ZC3H14: variants seen among roughly 807,000 people sequenced by gnomAD.
The protein encoded by ZC3H14 is zinc finger CCCH domain-containing protein 14.
A neutral mutation model predicts 92.4 loss-of-function variants in ZC3H14; 31 were observed. The observed-to-expected ratio is 0.34, with a 90% confidence interval of 0.25 to 0.45. The LOEUF (loss-of-function observed/expected upper bound fraction) is 0.45. Among genes scored for constraint, ZC3H14 ranks in the 20% least tolerant of loss-of-function variants. ZC3H14 has a pLI of 1.00. For missense variants in ZC3H14, 781 were observed against 897.3 expected (o/e 0.87, Z 1.66); for synonymous variants, 321 against 300.9 (o/e 1.07, Z -0.69).
intron 16 of ZC3H14, 127 bp from the exon 17 acceptor site, chr14:88,611,618 C>A: frequency 9.8e-7 from 1 of 1,019,146 alleles, no homozygotes; most frequent in Non-Finnish European, 1.4e-6. Flanking sequence ...AAAAATCTGC[C>A]ATTTATATTG....
intron 8 of ZC3H14, among the ~76,000 whole-genome samples, chr14:88,577,225 C>G (rs767480472): frequency 6.6e-6 from 1 of 152,172 alleles, no homozygotes; most frequent in Non-Finnish European, 1.5e-5. Flanking sequence ...CACTCTTGAC[C>G]TAATGATATA....
At chr14:88,601,362 T>A (rs2084627033) in intron 10 of ZC3H14, among the ~76,000 whole-genome samples, 1 of 152,238 alleles carries the variant, frequency 6.6e-6, no homozygotes, top group Admixed American at 6.5e-5. Context: ...CTTATGGTTA[T>A]TTGCATTAAA....
chr14:88,621,478 T>C lies in ZC3H14; in HGVS notation c.*9727T>C. ...TTCTATGACTACAGGCACACATCTATCTGTAAGCACAATGGGCTAGATTAC... is the reference window on the plus strand; with the variant it reads ...TTCTATGACTACAGGCACACATCTACCTGTAAGCACAATGGGCTAGATTAC... On this transcript the variant is annotated 3_prime_UTR_variant, in exon 17 of 17. Coordinates refer to ENST00000251038, the MANE Select transcript of ZC3H14 (RefSeq NM_024824.5). 1.6e-6 allele frequency: 1 copy of C among 641,568 alleles called. No homozygotes were observed. The highest frequency in any genetic ancestry group is 2.7e-6 in the Non-Finnish European group (1 of 367,120). 39.7% of individuals were successfully genotyped at this position (641,568 alleles called of 1,614,324 possible). A position where few individuals can be genotyped will look rare whatever the true frequency, so the allele number is the denominator to read the frequency against.
At chr14:88,585,069 G>T (rs2082316703) in intron 9 of ZC3H14, among the ~76,000 whole-genome samples, 1 of 152,090 alleles carries the variant, frequency 6.6e-6, no homozygotes, top group Non-Finnish European at 1.5e-5. Flanking sequence ...TGTTGTTGGG[G>T]GATTGGTTCC....
intron 12 of ZC3H14, among the ~76,000 whole-genome samples, chr14:88,604,567 T>C (rs1323156678): frequency 6.6e-6 from 1 of 151,728 alleles, no homozygotes; most frequent in Non-Finnish European, 1.5e-5. Flanking sequence ...CACTGTCATA[T>C]GGCAGCACAG....
At position 88,611,795 on chromosome 14, in the gene ZC3H14, T is replaced by C; in HGVS notation, c.*44T>C. 6.2e-7 allele frequency: 1 copy of C among 1,613,694 alleles called. No individual in the cohort carries two copies. The highest frequency in any genetic ancestry group is 8.5e-7 in the Non-Finnish European group (1 of 1,179,724). ...AGAAGATCATGCAGTTTGGAAGTTT[T>C]CATGTACTGATGAAAGATACTCTAC... is the stretch of plus-strand genomic sequence containing the variant. On this transcript the variant is annotated 3_prime_UTR_variant, in exon 17 of 17. Transcript: ENST00000251038.
chr14:88,621,181 G>T lies in ZC3H14; in HGVS notation c.*9430G>T. ...GCAGAAAGGAAAAAATCCCTGGAAG[G>T]ATGTGTTGCTAGTCCCCAGATTGGC... On this transcript the variant is annotated 3_prime_UTR_variant, in exon 17 of 17. Coordinates refer to ENST00000251038, the MANE Select transcript of ZC3H14 (RefSeq NM_024824.5). 1 of 1,613,884 alleles carries T rather than the reference G, an allele frequency of 6.2e-7. No individual in the cohort carries two copies. Among genetic ancestry groups the T allele is most frequent in the Non-Finnish European group, 8.5e-7 (1 of 1,179,856 alleles).
In ZC3H14 at chr14:88,601,986, A is replaced by C; in HGVS notation, c.1417A>C (p.Lys473Gln). ...AAGATCATTTATTCTGAAGAAGCCA[A>C]AGCTGTCTGAGGAAGTAGTAGTGGC... ...DTRSFILKKP[K>Q]LSEEVVVAPN... is the part of the protein sequence containing the mutation. The change falls in exon 11 of 17, where the codon AAG becomes CAG. Residue 473 changes from lysine to glutamine, a missense_variant. Lys to Gln is a moderately conservative substitution (Grantham distance 53, BLOSUM62 1). Around this residue, in one of 3 missense-constraint regions of ZC3H14, gnomAD observed 454 missense variants for 438.5 expected, o/e 1.04. Transcript: ENST00000251038. The C allele has an allele frequency of 1.2e-6, 2 of 1,614,188 alleles. No homozygotes were observed. Among genetic ancestry groups the C allele is most frequent in the Non-Finnish European group, 1.7e-6 (2 of 1,180,020 alleles).
chr14:88,605,054 A>G (rs1165606958), intron 12 of ZC3H14, among the ~76,000 whole-genome samples: 1 of 152,216 alleles, frequency 6.6e-6, no homozygotes, highest in Non-Finnish European at 1.5e-5. Flanking sequence ...GTATTATTGT[A>G]ATAATCACAT....
In ZC3H14 at chr14:88,580,518, A is replaced by G. The variant is rs549587067; in HGVS notation, c.1279+2378A>G. Among the ~76,000 whole-genome samples, 7 of 143,994 alleles carry G rather than the reference A, an allele frequency of 4.9e-5. No homozygotes were observed. The East Asian group carries it at 1.4e-3, about 30-fold the overall frequency. The allele number at this position is 143,994 out of a possible 152,430, so 94.5% of individuals were successfully genotyped here. ...ATAAAATTAAAACATCTTCAGAGAA[A>G]TTGAAGATAAAAGACAAGAACATTT... On this transcript the variant is annotated intron_variant, in intron 9 of 16. Transcript: ENST00000251038.
Position 88,616,083 on chromosome 14 carries a change from TA to T in ZC3H14, c.*4333del. 6.4e-7 allele frequency: 1 copy of T among 1,554,676 alleles called. No individual in the cohort carries two copies. The highest frequency in any genetic ancestry group is 8.9e-7 in the Non-Finnish European group (1 of 1,127,054). ...TAAACCAAAGCTGTAGGAGTTGTTG[TA>T]TTAAGTCTCTTAACTAGTAACATAG... On this transcript the variant is annotated 3_prime_UTR_variant, in exon 17 of 17. Transcript: ENST00000251038.
At chr14:88,577,127 C>G (rs139844620) in intron 8 of ZC3H14, among the ~76,000 whole-genome samples, 1 of 152,212 alleles carries the variant, frequency 6.6e-6, no homozygotes, top group East Asian at 1.9e-4. Flanking sequence ...CTTGTCTGTC[C>G]TCTTGGTTCT....
In ZC3H14 at chr14:88,576,835, G is replaced by A. The variant is rs923123380; in HGVS notation, c.1123+895G>A. Among the ~76,000 whole-genome samples the A allele has an allele frequency of 2.9e-4, 44 of 152,052 alleles. 1 individual carries two copies. The highest frequency in any genetic ancestry group is 1.0e-3 in the African/African-American group (42 of 41,404). On this transcript the variant is annotated intron_variant, in intron 8 of 16. Coordinates refer to ENST00000251038, the MANE Select transcript of ZC3H14 (RefSeq NM_024824.5). ...AGGCGAAGTCTTGCTCTGTTGCCCA[G>A]GCTGGAGTGCAGTGGTGTGATCTTG...
At chr14:88,578,181 T>C (rs768720217) in intron 9 of ZC3H14, 41 bp downstream of exon 9, 2 of 1,606,612 alleles carry the variant, frequency 1.2e-6, no homozygotes, top group Middle Eastern at 1.7e-4. Context: ...CTACAGTTTT[T>C]TCATGAGGCA....
rs1005245727 is a variant in ZC3H14, at chr14:88,563,056, C to A, written c.-78C>A. 2.0e-6 allele frequency: 3 copies of A among 1,530,600 alleles called. No individual in the cohort carries two copies. The South Asian group carries it at 3.6e-5, about 18-fold the overall frequency. 94.8% of individuals were successfully genotyped at this position (1,530,600 alleles called of 1,614,324 possible). A position where few individuals can be genotyped will look rare whatever the true frequency, so the allele number is the denominator to read the frequency against. The stretch of plus-strand genomic sequence containing the variant: ...GGAGGAGGAGGCGGTGGTGTCCCGG[C>A]TGCGGGGTAGGAGTCCGCGGCAGCC... On this transcript the variant is annotated 5_prime_UTR_variant, in exon 1 of 17. It adds an upstream start codon to the 5' untranslated region. Coordinates refer to ENST00000251038, the MANE Select transcript of ZC3H14 (RefSeq NM_024824.5).
chr14:88,607,075 A>G (rs1030469251), intron 12 of ZC3H14, among the ~76,000 whole-genome samples, 168 bp from the exon 13 acceptor site: 1 of 152,112 alleles, frequency 6.6e-6, no homozygotes, highest in East Asian at 1.9e-4. Context: ...GCAACCTTTT[A>G]TAGGATTCTA....
chr14:88,593,692 A>C (rs751130579), intron 9 of ZC3H14, among the ~76,000 whole-genome samples: 1 of 152,190 alleles, frequency 6.6e-6, no homozygotes, highest in Non-Finnish European at 1.5e-5. Context: ...ATGAAGTTGG[A>C]ACCTTATCTT....
Position 88,623,530 on chromosome 14 carries a change from TCTC to T in ZC3H14, c.*11782_*11784del. ...GTGCCTCCCAGGTTCAAGCGATTCT[TCTC>T]CTTCAGCCTCCCAAGTAGCTGGGAT... On this transcript the variant is annotated 3_prime_UTR_variant, in exon 17 of 17. Transcript: ENST00000251038. The T allele has an allele frequency of 6.6e-6, 1 of 151,778 alleles. No individual in the cohort carries two copies. Among genetic ancestry groups the T allele is most frequent in the Admixed American group, 6.6e-5 (1 of 15,238 alleles). The allele number at this position is 151,778 out of a possible 1,614,324, so 9.4% of individuals were successfully genotyped here. A position where few individuals can be genotyped will look rare whatever the true frequency, so the allele number is the denominator to read the frequency against.
Position 88,617,993 on chromosome 14 carries a change from T to G in ZC3H14, c.*6242T>G. On this transcript the variant is annotated 3_prime_UTR_variant, in exon 17 of 17. Coordinates refer to ENST00000251038, the MANE Select transcript of ZC3H14 (RefSeq NM_024824.5). ...GAAAAATATCAGGGTATCTTTAAAG[T>G]TAAAACTTTGATTTCCTTAAAAAAA... 3.6e-6 allele frequency: 1 copy of G among 277,594 alleles called. No homozygotes were observed. The highest frequency in any genetic ancestry group is 6.0e-6 in the Non-Finnish European group (1 of 165,524). 17.2% of individuals were successfully genotyped at this position (277,594 alleles called of 1,614,324 possible).
Sources: gnomAD v4.1 joint callset for allele counts (sites outside exome capture counted in the v4.1 genomes callset) on GRCh38, gnomAD v4.1.1 for gene constraint, gnomAD v4.1.1 regional missense constraint, MANE v1.5 for transcripts, NCBI Gene and HGNC (gene_info 2026-07-23, HGNC 2026-07-21) for gene names.